STAB1: variants seen among roughly 807,000 people sequenced by gnomAD.
The protein encoded by STAB1 is stabilin-1.
STAB1 carries 250 observed loss-of-function variants against 332.4 expected under a neutral mutation model. The observed-to-expected ratio is 0.75, with a 90% CI of 0.68 to 0.84. The LOEUF (loss-of-function observed/expected upper bound fraction) is 0.84. Among genes scored for constraint, STAB1 ranks in the 40% least tolerant of loss-of-function variants. The pLI is 0.00. For missense variants in STAB1, 3,249 were observed against 3,489.7 expected (o/e 0.93, Z 1.74); for synonymous variants, 1,475 against 1,390.4 (o/e 1.06, Z -1.35).
chr3:52,509,726 G>A, intron 22 of STAB1, 144 bp from the exon 23 acceptor site: 1 of 813,314 alleles, frequency 1.2e-6, no homozygotes, highest in South Asian at 1.8e-5. Flanking sequence ...TGCCCATTGA[G>A]TCTGAGATAA....
At chr3:52,509,568 C>G (rs1486330523) in intron 22 of STAB1, 1 of 591,854 alleles carries the variant, frequency 1.7e-6, no homozygotes, top group Non-Finnish European at 3.0e-6. Context: ...CTGTCTGCTT[C>G]ACCCAGGCCA....
At chr3:52,501,821 A>G in intron 3 of STAB1, 68 bp downstream of exon 3, 1 of 1,458,412 alleles carries the variant, frequency 6.9e-7, no homozygotes, top group Non-Finnish European at 9.4e-7. Flanking sequence ...AGCCCTCTGC[A>G]GGAGCCACCT....
At position 52,523,279 on chromosome 3, in the gene STAB1, G is replaced by A; in HGVS notation, c.7078G>A (p.Asp2360Asn). 1 of 1,613,120 alleles carries A rather than the reference G, an allele frequency of 6.2e-7. No homozygotes were observed. Among genetic ancestry groups the A allele is most frequent in the Non-Finnish European group, 8.5e-7 (1 of 1,179,988 alleles). The change falls in exon 64 of 69, where the codon GAT becomes AAT. Residue 2360 changes from aspartate (D) to asparagine (N), a missense_variant. Coordinates refer to ENST00000321725, the MANE Select transcript of STAB1 (RefSeq NM_015136.3). ...QRGLDFLDFLDDELTYKTLFV... is the reference protein window; with the variant it reads ...QRGLDFLDFLNDELTYKTLFV... ...GGGTCTCGACTTCCTGGACTTCCTG[G>A]ATGATGAGCTCACGTATAAGACACT...
At chr3:52,516,007 C>T (rs377199954) in intron 37 of STAB1, 36 bp from the exon 38 acceptor site, 3 of 1,547,708 alleles carry the variant, frequency 1.9e-6, no homozygotes, top group Non-Finnish European at 2.6e-6. Context: ...CCTTGCTGGG[C>T]CTCTCTCGCC....
intron 22 of STAB1, among the ~76,000 whole-genome samples, chr3:52,509,657 AG>A (rs1709145276): frequency 6.6e-6 from 1 of 152,262 alleles, no homozygotes; most frequent in African/African-American, 2.4e-5. Flanking sequence ...TGTTGGGATC[AG>A]GGCAACTAGA....
chr3:52,519,717 G>A, intron 50 of STAB1, 153 bp downstream of exon 50: 1 of 1,240,666 alleles, frequency 8.1e-7, no homozygotes, highest in Non-Finnish European at 1.1e-6. Flanking sequence ...CCACATCTGT[G>A]TGCATGTGCA....
chr3:52,510,178 C>T lies in STAB1; in HGVS notation c.2571C>T (p.Phe857=), dbSNP rs1709191694. 1 of 1,614,010 alleles carries T rather than the reference C, an allele frequency of 6.2e-7. No homozygotes were observed. Among genetic ancestry groups the T allele is most frequent in the Non-Finnish European group, 8.5e-7 (1 of 1,180,016 alleles). ...RCLDGFEGDG[F]SCTPSNPCSH... ...TTGATGGCTTTGAGGGTGATGGCTT[C>T]TCCTGCACACCTAGCAACCCCTGCT... The change falls in exon 24 of 69, where the codon TTC becomes TTT. Residue 857 remains phenylalanine, a synonymous_variant. Coordinates refer to ENST00000321725, the MANE Select transcript of STAB1 (RefSeq NM_015136.3).
intron 17 of STAB1, 21 bp downstream of exon 17, chr3:52,506,271 G>T: frequency 1.2e-6 from 2 of 1,600,530 alleles, no homozygotes; most frequent in South Asian, 2.2e-5. Context: ...CGGACACCTG[G>T]GCGGATGGTG....
chr3:52,501,657 G>C lies in STAB1; in HGVS notation c.235G>C (p.Gly79Arg). 6.4e-7 allele frequency: 1 copy of C among 1,569,086 alleles called. No homozygotes were observed. Among genetic ancestry groups the C allele is most frequent in the Non-Finnish European group, 8.6e-7 (1 of 1,157,940 alleles). Residue 79 changes from glycine to arginine, a missense_variant, in exon 3 of 69, where the codon GGC becomes CGC. Gly to Arg is a moderately radical substitution (Grantham distance 125). Coordinates refer to ENST00000321725, the MANE Select transcript of STAB1 (RefSeq NM_015136.3). Reference sequence around the variant, plus strand: ...CCCCAGCTACGAAGTACAGCTGGGGGGCTCTATGGTGTCCATGAGCGGCTG... The same window carrying C: ...CCCCAGCTACGAAGTACAGCTGGGGCGCTCTATGGTGTCCATGAGCGGCTG... ...QDCRYEVQLG[G>R]SMVSMSGCRR...
In STAB1 at chr3:52,519,522, C is replaced by A. The variant is rs755572084; in HGVS notation, c.5193C>A (p.Ala1731=). The part of the protein sequence containing the change: ...APIPRRNVTA[A]AQGFGYKIFS... ...TTCCTCAGAGAAATGTCACCGCCGC[C>A]GCCCAGGGCTTCGGTTACAAGATCT... Residue 1731 remains alanine, a synonymous_variant, in exon 50 of 69, where the codon GCC becomes GCA. Transcript: ENST00000321725. 1 of 1,613,332 alleles carries A rather than the reference C, an allele frequency of 6.2e-7. No individual in the cohort carries two copies. The highest frequency in any genetic ancestry group is 8.5e-7 in the Non-Finnish European group (1 of 1,179,998).
Position 52,506,834 on chromosome 3 carries a change from A to C in STAB1, c.1973A>C (p.Gln658Pro). The change falls in exon 18 of 69, where the codon CAG (glutamine) becomes CCG (proline). Residue 658 changes from glutamine to proline, a missense_variant. Transcript: ENST00000321725. ...PILPKHCSEE[Q>P]HKIVAGSCVD... ...CTGCCCAAGCACTGCAGCGAGGAGC[A>C]GCACAAGATTGTGGCGGTGAGCCTC... 6.2e-7 allele frequency: 1 copy of C among 1,613,048 alleles called. No homozygotes were observed. Among genetic ancestry groups the C allele is most frequent in the South Asian group, 1.1e-5 (1 of 91,080 alleles).
rs1221868191 is a variant in STAB1, at chr3:52,500,230, C to T, written c.79-936C>T. 3.9e-5 allele frequency among the ~76,000 whole-genome samples: 6 copies of T among 152,220 alleles called. No homozygotes were observed. In the East Asian group the frequency reaches 5.8e-4, roughly 15 times the overall value. The stretch of plus-strand genomic sequence containing the variant: ...ATTTGTTTTTACTTCTTTCCACTCC[C>T]GGCCTTTGCTTCTGCTGTCCCCTAG... On this transcript the variant is annotated intron_variant, in intron 1 of 68. Transcript: ENST00000321725.
Position 52,512,657 on chromosome 3 carries a change from G to A in STAB1, c.3027+14G>A. On this transcript the variant is annotated intron_variant, in intron 28 of 68. Transcript: ENST00000321725. The stretch of plus-strand genomic sequence containing the variant: ...CAATGGCTTAAGGTAGGACAGGGCA[G>A]AATGCTGGGGTTGAGGGCTCAAATC... 1 of 1,613,592 alleles carries A rather than the reference G, an allele frequency of 6.2e-7. No individual in the cohort carries two copies. The highest frequency in any genetic ancestry group is 8.5e-7 in the Non-Finnish European group (1 of 1,179,996).
At chr3:52,515,948 T>G in intron 37 of STAB1, 95 bp from the exon 38 acceptor site, 1 of 1,392,356 alleles carries the variant, frequency 7.2e-7, no homozygotes, top group African/African-American at 1.5e-5. Flanking sequence ...GGGGTTTTGC[T>G]CCATGGCTCT....
chr3:52,498,993 C>G (rs1708242235), intron 1 of STAB1, among the ~76,000 whole-genome samples: 1 of 152,242 alleles, frequency 6.6e-6, no homozygotes, highest in South Asian at 2.1e-4. Flanking sequence ...CTCTGGGGCC[C>G]TGGTATTTGC....
Position 52,503,446 on chromosome 3 carries a change from A to ATG in STAB1, c.798_799dup (p.Gly267ValfsTer69). On this transcript the variant is annotated frameshift_variant, in exon 8 of 69. Transcript: ENST00000321725. LOFTEE classifies it high-confidence loss of function. ...CACTGCCCTGAGAACTACCATGGCGATGGGATGGTGTGTCTGCCCAAGGAC... is the reference window on the plus strand; with the variant it reads ...CACTGCCCTGAGAACTACCATGGCGATGTGGGATGGTGTGTCTGCCCAAGGAC... 6.2e-7 allele frequency: 1 copy of ATG among 1,613,772 alleles called. No individual in the cohort carries two copies. The highest frequency in any genetic ancestry group is 8.5e-7 in the Non-Finnish European group (1 of 1,180,022).
At chr3:52,509,605 C>T (rs1306903939) in intron 22 of STAB1, 14 of 592,180 alleles carry the variant, frequency 2.4e-5, no homozygotes, top group African/African-American at 9.3e-5. Flanking sequence ...TTAAAGTATG[C>T]GGGACTTAGG....
At chr3:52,515,574 G>GGA (rs2078836368) in intron 37 of STAB1, 68 bp downstream of exon 37, 2 of 1,535,546 alleles carry the variant, frequency 1.3e-6, no homozygotes, top group African/African-American at 2.7e-5. Context: ...GGGGGCCCAG[G>GGA]GAGGAGCCCA....
Position 52,501,306 on chromosome 3 carries a change from C to T in STAB1, c.215+4C>T, listed in dbSNP as rs376473676. On this transcript the variant is annotated splice_donor_region_variant and intron_variant, in intron 2 of 68. Coordinates refer to ENST00000321725, the MANE Select transcript of STAB1 (RefSeq NM_015136.3). ...ATCAGATAACCCAGGACTGCCGGTGCGGGCCACCCCTGTCCTTGCCTGTGT... is the reference window on the plus strand; with the variant it reads ...ATCAGATAACCCAGGACTGCCGGTGTGGGCCACCCCTGTCCTTGCCTGTGT... The T allele has an allele frequency of 8.1e-6, 13 of 1,612,370 alleles. No homozygotes were observed. The highest frequency in any genetic ancestry group is 2.7e-5 in the African/African-American group (2 of 74,942).
Sources: gnomAD v4.1 joint callset for allele counts (sites outside exome capture counted in the v4.1 genomes callset) on GRCh38, gnomAD v4.1.1 for gene constraint, MANE v1.5 for transcripts, NCBI Gene and HGNC (gene_info 2026-07-23, HGNC 2026-07-21) for gene names.